The following FHOD3 variants were observed in gnomAD, a reference collection of about 807,000 sequenced individuals.
The protein encoded by FHOD3 is formin homology 2 domain containing 3, also known as FH1/FH2 domain-containing protein 3.
Under a neutral mutation model 173.0 loss-of-function variants are expected in FHOD3, and 90 were observed. The ratio of observed to expected loss-of-function variants is 0.52; its 90% CI spans 0.44 to 0.62. The LOEUF is 0.62. Among genes scored for constraint, FHOD3 ranks in the 20% least tolerant of loss-of-function variants. FHOD3 has a pLI of 0.00. For missense variants in FHOD3, 1,945 were observed against 2,034.7 expected (o/e 0.96, Z 0.85); for synonymous variants, 828 against 823.0 (o/e 1.01, Z -0.10).
At chr18:36,702,555 T>C (rs112901586) in intron 17 of FHOD3, among the ~76,000 whole-genome samples, 4 of 152,316 alleles carry the variant, frequency 2.6e-5, no homozygotes, top group African/African-American at 9.6e-5. Flanking sequence ...GGAGCAACTA[T>C]TATAGAACTG....
intron 3 of FHOD3, among the ~76,000 whole-genome samples, chr18:36,426,050 G>A (rs1011888866): frequency 6.7e-6 from 1 of 148,552 alleles, no homozygotes; most frequent in Admixed American, 6.8e-5. Context: ...GACTACAGGC[G>A]GCCACCACCA....
intron 6 of FHOD3, among the ~76,000 whole-genome samples, chr18:36,591,951 G>T (rs1233152627): frequency 2.0e-5 from 3 of 152,144 alleles, no homozygotes; most frequent in Non-Finnish European, 2.9e-5. Context: ...GGGCACGATG[G>T]CTCATGCCTG....
chr18:36,568,484 A>G (rs1363901467), intron 5 of FHOD3, among the ~76,000 whole-genome samples: 1 of 151,598 alleles, frequency 6.6e-6, no homozygotes, highest in Non-Finnish European at 1.5e-5. Context: ...TGAAAGTTTT[A>G]TGTGAACCCC....
chr18:36,502,228 T>A, intron 4 of FHOD3, among the ~76,000 whole-genome samples: 1 of 147,044 alleles, frequency 6.8e-6, no homozygotes, highest in Non-Finnish European at 1.5e-5. Context: ...TATTTTTCCA[T>A]ATTTACTTCT....
chr18:36,534,600 G>T, intron 5 of FHOD3, among the ~76,000 whole-genome samples: 1 of 152,026 alleles, frequency 6.6e-6, no homozygotes, highest in Non-Finnish European at 1.5e-5. Flanking sequence ...TCCACCTCCC[G>T]GGCTCAAGCA....
At chr18:36,693,106 C>A in intron 16 of FHOD3, 103 bp from the exon 17 acceptor site, 2 of 1,151,292 alleles carry the variant, frequency 1.7e-6, no homozygotes, top group South Asian at 1.4e-5. Flanking sequence ...GTGCTGTGTG[C>A]ATCAGGAAAC....
At chr18:36,556,021 T>G (rs2057865264) in intron 5 of FHOD3, among the ~76,000 whole-genome samples, 1 of 152,208 alleles carries the variant, frequency 6.6e-6, no homozygotes, top group African/African-American at 2.4e-5. Flanking sequence ...GTTTAGATCT[T>G]TTATATTTAT....
chr18:36,566,887 T>C (rs963344994), intron 5 of FHOD3, among the ~76,000 whole-genome samples: 3 of 152,220 alleles, frequency 2.0e-5, no homozygotes, highest in Non-Finnish European at 4.4e-5. Context: ...ATTATACTTA[T>C]ATAAAATGAA....
chr18:36,340,905 G>A (rs2045580943), intron 1 of FHOD3, among the ~76,000 whole-genome samples: 2 of 152,082 alleles, frequency 1.3e-5, no homozygotes, highest in Non-Finnish European at 2.9e-5. Flanking sequence ...CCAAAGTGCT[G>A]GGATTACAGG....
intron 1 of FHOD3, among the ~76,000 whole-genome samples, chr18:36,347,326 A>G (rs1040845377): frequency 5.4e-4 from 83 of 152,328 alleles, no homozygotes; most frequent in African/African-American, 1.9e-3. Flanking sequence ...ATGTTTACCT[A>G]TTTACCAGAC....
At chr18:36,548,726 T>C (rs1485093546) in intron 5 of FHOD3, among the ~76,000 whole-genome samples, 1 of 152,264 alleles carries the variant, frequency 6.6e-6, no homozygotes, top group Non-Finnish European at 1.5e-5. Context: ...TCACTCAGCA[T>C]ACTTCTTTCA....
chr18:36,329,203 G>A (rs1298507573), intron 1 of FHOD3, among the ~76,000 whole-genome samples: 3 of 152,146 alleles, frequency 2.0e-5, no homozygotes, highest in Non-Finnish European at 2.9e-5. Flanking sequence ...AACACCAGCT[G>A]TGTCCCACCC....
At chr18:36,402,460 A>G (rs1338661722) in intron 3 of FHOD3, among the ~76,000 whole-genome samples, 1 of 151,942 alleles carries the variant, frequency 6.6e-6, no homozygotes, top group Non-Finnish European at 1.5e-5. Context: ...ATGCAATATA[A>G]AAATTATAAT....
intron 7 of FHOD3, among the ~76,000 whole-genome samples, chr18:36,601,733 A>G (rs1490969112): frequency 6.6e-6 from 1 of 152,246 alleles, no homozygotes; most frequent in African/African-American, 2.4e-5. Flanking sequence ...AAAGCACGAA[A>G]GAGCTTCATG....
At chr18:36,443,846 T>A (rs898593122) in intron 3 of FHOD3, among the ~76,000 whole-genome samples, 1 of 152,208 alleles carries the variant, frequency 6.6e-6, no homozygotes, top group Non-Finnish European at 1.5e-5. Context: ...CTTTCCCTTT[T>A]ATTTGTAGCT....
At chr18:36,649,209 T>G in intron 10 of FHOD3, 107 bp from the exon 11 acceptor site, 1 of 590,560 alleles carries the variant, frequency 1.7e-6, no homozygotes. Context: ...ATTATTTCGT[T>G]GTTGTTGTTG....
intron 3 of FHOD3, among the ~76,000 whole-genome samples, chr18:36,447,576 C>T (rs550366623): frequency 6.6e-6 from 1 of 152,186 alleles, no homozygotes; most frequent in Admixed American, 6.5e-5. Context: ...CCATGGGTTT[C>T]TCTTCACCTT....
At chr18:36,432,034 G>A (rs376108724) in intron 3 of FHOD3, among the ~76,000 whole-genome samples, 1 of 152,182 alleles carries the variant, frequency 6.6e-6, no homozygotes, top group South Asian at 2.1e-4. Flanking sequence ...GATTCTTTTT[G>A]AGCATTTCTG....
intron 28 of FHOD3, 57 bp downstream of exon 28, chr18:36,769,483 T>C (rs1426417830): frequency 6.4e-7 from 1 of 1,568,432 alleles, no homozygotes; most frequent in Admixed American, 1.8e-5. Context: ...GCCCTCCCAT[T>C]CTACGTGAAC....
Sources: allele counts gnomAD v4.1 joint callset (sites outside exome capture counted in the v4.1 genomes callset), GRCh38; gene constraint gnomAD v4.1.1; transcripts MANE v1.5; gene names NCBI Gene and HGNC (gene_info 2026-07-23, HGNC 2026-07-21).